RFC2: variants seen among roughly 807,000 people sequenced by gnomAD.
The protein encoded by RFC2 is A1 40 kDa subunit.
Under a neutral mutation model 44.8 loss-of-function variants are expected in RFC2, and 34 were observed. The observed-to-expected ratio is 0.76, with a 90% CI of 0.58 to 1.01. The LOEUF (loss-of-function observed/expected upper bound fraction) is 1.01. Among genes scored for constraint, RFC2 ranks in the 50% least tolerant of loss-of-function variants. RFC2 has a pLI of 0.00. For missense variants in RFC2, 400 were observed against 453.6 expected, an observed-to-expected ratio of 0.88 and a Z score of 1.07; for synonymous variants, 177 against 168.9, an observed-to-expected ratio of 1.05 and a Z score of -0.37.
At chr7:74,233,549 G>A (rs1289686017) in intron 10 of RFC2, among the ~76,000 whole-genome samples, 3 of 150,780 alleles carry the variant, frequency 2.0e-5, no homozygotes, top group African/African-American at 7.3e-5. Context: ...GGCACAATGA[G>A]ATCTCATCAC....
intron 2 of RFC2, among the ~76,000 whole-genome samples, chr7:74,251,183 C>T (rs549361332): frequency 1.3e-3 from 194 of 152,228 alleles, no homozygotes; most frequent in African/African-American, 4.4e-3. Context: ...AGGGTGTCCA[C>T]TCTGTCACCT....
chr7:74,252,595 A>G, intron 1 of RFC2, 97 bp from the exon 2 acceptor site: 1 of 768,998 alleles, frequency 1.3e-6, no homozygotes, highest in Non-Finnish European at 2.3e-6. Flanking sequence ...TTAAAAAATT[A>G]CATACATTCA....
Position 74,246,725 on chromosome 7 carries a change from G to C in RFC2, c.371C>G (p.Ala124Gly). 1 of 1,612,912 alleles carries C rather than the reference G, an allele frequency of 6.2e-7. No homozygotes were observed. Among genetic ancestry groups the C allele is most frequent in the Non-Finnish European group, 8.5e-7 (1 of 1,179,360 alleles). The change falls in exon 5 of 11, where the codon GCT becomes GGT. Residue 124 changes from alanine to glycine, a missense_variant. Ala to Gly is a moderately conservative substitution (Grantham distance 60, BLOSUM62 0). Transcript: ENST00000055077. ...DVVRNKIKMF[A>G]QQKVTLPKGR... ...TTTGGGAAGAGTGACTTTTTGTTGAGCAAACATTTTAATTTTATTCCTCAC... is the reference window on the plus strand; with the variant it reads ...TTTGGGAAGAGTGACTTTTTGTTGACCAAACATTTTAATTTTATTCCTCAC...
chr7:74,245,971 C>A (rs868964260), intron 5 of RFC2, among the ~76,000 whole-genome samples: 2 of 150,934 alleles, frequency 1.3e-5, no homozygotes, highest in Non-Finnish European at 1.5e-5. Flanking sequence ...CTGAGGCGGG[C>A]GGATCACGAG....
chr7:74,241,801 A>T (rs1327235433), intron 6 of RFC2, among the ~76,000 whole-genome samples: 2 of 152,198 alleles, frequency 1.3e-5, no homozygotes, highest in Non-Finnish European at 2.9e-5. Context: ...CTCTAAGAAA[A>T]ATACAAAAAT....
chr7:74,237,378 A>G lies in RFC2; in HGVS notation c.824T>C (p.Ile275Thr), dbSNP rs144066372. 55 of 1,605,414 alleles carry G rather than the reference A, an allele frequency of 3.4e-5. No homozygotes were observed. The highest frequency in any genetic ancestry group is 3.3e-4 in the Middle Eastern group (2 of 6,074). The change falls in exon 9 of 11, where the codon ATT becomes ACT. Residue 275 changes from isoleucine (I) to threonine (T), a missense_variant. Coordinates refer to ENST00000055077, the MANE Select transcript of RFC2 (RefSeq NM_181471.3). ...EMIQHCVNANIDEAYKILAHL... is the reference protein window; with the variant it reads ...EMIQHCVNANTDEAYKILAHL... ...GAGGCCAACCTTGTAGGCTTCGTCAATGTTGGCATTCACACAGTGCTGGAT... is the reference window on the plus strand; with the variant it reads ...GAGGCCAACCTTGTAGGCTTCGTCAGTGTTGGCATTCACACAGTGCTGGAT...
intron 10 of RFC2, 115 bp downstream of exon 10, chr7:74,235,417 G>C (rs1802957946): frequency 1.4e-6 from 1 of 731,810 alleles, no homozygotes; most frequent in African/African-American, 1.7e-5. Context: ...CCTGACCTCA[G>C]GTGATCTGCC....
In RFC2 at chr7:74,252,424, C is replaced by T. The variant is rs1787023203; in HGVS notation, c.183+5G>A. 5 of 1,545,242 alleles carry T rather than the reference C, an allele frequency of 3.2e-6. No homozygotes were observed. On this transcript the variant is annotated splice_donor_5th_base_variant and intron_variant, in intron 2 of 10. Coordinates refer to ENST00000055077, the MANE Select transcript of RFC2 (RefSeq NM_181471.3). ...TCTGTCTCAAAAAAAAAAAAAGCCACTCACCTCTAGCCTGCTCACGGTGTC... is the reference window on the plus strand; with the variant it reads ...TCTGTCTCAAAAAAAAAAAAAGCCATTCACCTCTAGCCTGCTCACGGTGTC...
intron 4 of RFC2, among the ~76,000 whole-genome samples, chr7:74,248,123 C>G (rs1200910622): frequency 6.6e-6 from 1 of 151,976 alleles, no homozygotes; most frequent in Non-Finnish European, 1.5e-5. Context: ...AATATACAGG[C>G]TGAGTATCCC....
In RFC2 at chr7:74,250,585, T is replaced by C. The variant is rs115882754; in HGVS notation, c.184-805A>G. ...CTCATCCTCACCCTGAGTACTTCAA[T>C]AACCAGGGCTTCACCATCCTCCTCC... On this transcript the variant is annotated intron_variant, in intron 2 of 10. Coordinates refer to ENST00000055077, the MANE Select transcript of RFC2 (RefSeq NM_181471.3). Among the ~76,000 whole-genome samples, 540 of 152,250 alleles carry C rather than the reference T, an allele frequency of 3.5e-3. 4 individuals are homozygous for C. Among genetic ancestry groups the C allele is most frequent in the African/African-American group, 0.012 (495 of 41,560 alleles).
At chr7:74,244,282 A>G (rs1803485101) in intron 5 of RFC2, among the ~76,000 whole-genome samples, 1 of 151,788 alleles carries the variant, frequency 6.6e-6, no homozygotes, top group African/African-American at 2.4e-5. Flanking sequence ...AAATAAATAA[A>G]TAAAAAGGCA....
intron 2 of RFC2, among the ~76,000 whole-genome samples, chr7:74,251,620 A>T (rs1380976511): frequency 1.3e-5 from 2 of 151,184 alleles, no homozygotes; most frequent in Non-Finnish European, 2.9e-5. Context: ...CAACACGGTG[A>T]AACCCCATCT....
At chr7:74,249,980 T>G (rs888135381) in intron 2 of RFC2, among the ~76,000 whole-genome samples, 200 bp from the exon 3 acceptor site, 4 of 151,442 alleles carry the variant, frequency 2.6e-5, no homozygotes, top group Middle Eastern at 3.4e-3. Flanking sequence ...AGTGAGACTC[T>G]GTCTCCTCAA....
At chr7:74,249,650 G>T in intron 3 of RFC2, 89 bp downstream of exon 3, 1 of 1,102,666 alleles carries the variant, frequency 9.1e-7, no homozygotes, top group South Asian at 1.2e-5. Context: ...GGGCTCTCCA[G>T]GGAGGCAGCG....
At chr7:74,234,016 C>A (rs1389782578) in intron 10 of RFC2, 3 of 425,084 alleles carry the variant, frequency 7.1e-6, no homozygotes, top group Admixed American at 2.4e-5. Context: ...AATGTTTACA[C>A]TGGCTTTATT....
rs782286378 is a variant in RFC2, at chr7:74,249,254, C to T, written c.226-136G>A. On this transcript the variant is annotated intron_variant, in intron 3 of 10. Coordinates refer to ENST00000055077, the MANE Select transcript of RFC2 (RefSeq NM_181471.3). ...CACCCACAGCACACACAGATCAATA[C>T]AGCTGGCCGGAGACAGTGGCTCACA... 5.3e-6 allele frequency: 8 copies of T among 1,507,516 alleles called. No homozygotes were observed. The African/African-American group carries it at 1.1e-4, about 21-fold the overall frequency. The allele number at this position is 1,507,516 out of a possible 1,614,324, so 93.4% of individuals were successfully genotyped here. A position where few individuals can be genotyped will look rare whatever the true frequency, so the allele number is the denominator to read the frequency against.
intron 5 of RFC2, among the ~76,000 whole-genome samples, chr7:74,244,225 G>A (rs1803482785): frequency 6.6e-6 from 1 of 151,482 alleles, no homozygotes; most frequent in South Asian, 2.1e-4. Context: ...CCAAGATCAT[G>A]CCACTGCACT....
At position 74,239,863 on chromosome 7, in the gene RFC2, C is replaced by T. The variant is rs567081375; in HGVS notation, c.693+75G>A. The T allele has an allele frequency of 3.3e-5, 45 of 1,375,944 alleles. No homozygotes were observed. In the African/African-American group the frequency reaches 5.2e-4, roughly 16 times the overall value. 85.2% of individuals were successfully genotyped at this position (1,375,944 alleles called of 1,614,324 possible). Reference sequence around the variant, plus strand: ...CTTGTTGTACCTTGTGCAGCTGTCACTTCCCTCCCCTTCCCCATGGAAGGG... The same window carrying T: ...CTTGTTGTACCTTGTGCAGCTGTCATTTCCCTCCCCTTCCCCATGGAAGGG... On this transcript the variant is annotated intron_variant, in intron 7 of 10. Transcript: ENST00000055077.
intron 6 of RFC2, among the ~76,000 whole-genome samples, chr7:74,240,750 C>T (rs1803289492): frequency 6.6e-6 from 1 of 152,126 alleles, no homozygotes; most frequent in African/African-American, 2.4e-5. Flanking sequence ...GGATGTTGGC[C>T]CTTCTGGGCA....
Sources: allele counts gnomAD v4.1 joint callset (sites outside exome capture counted in the v4.1 genomes callset), GRCh38; gene constraint gnomAD v4.1.1; transcripts MANE v1.5; gene names NCBI Gene and HGNC (gene_info 2026-07-23, HGNC 2026-07-21).